Variants in PSTPIP1 observed in about 807,000 individuals in gnomAD.
PSTPIP1 encodes the protein proline-serine-threonine phosphatase-interacting protein 1.
In PSTPIP1, 66 loss-of-function variants were observed where a neutral mutation model predicts 69.6. That is an observed-to-expected ratio of 0.95 (90% CI 0.78 to 1.16). The LOEUF (loss-of-function observed/expected upper bound fraction) is 1.16, where lower values mean the gene tolerates loss of function less well. Ranked by LOEUF, PSTPIP1 falls within the 50% of genes most tolerant of loss-of-function variation. The pLI, the probability that PSTPIP1 is intolerant of heterozygous loss-of-function variation, is 0.00. For missense variants in PSTPIP1, 603 were observed against 557.4 expected, an observed-to-expected ratio of 1.08 and a Z score of -0.82; for synonymous variants, 266 against 222.7, an observed-to-expected ratio of 1.19 and a Z score of -1.73.
intron 10 of PSTPIP1, 126 bp from the exon 11 acceptor site, chr15:77,032,172 A>G (rs1290732123): frequency 1.1e-6 from 1 of 904,526 alleles, no homozygotes; most frequent in East Asian, 2.7e-5. Flanking sequence ...CCTCAGGATC[A>G]AAGACCCCGA....
intron 5 of PSTPIP1, 66 bp downstream of exon 5, chr15:77,025,670 T>C (rs1596105982): frequency 7.2e-7 from 1 of 1,394,232 alleles, no homozygotes; most frequent in Admixed American, 2.0e-5. Context: ...GCTGTGGGGG[T>C]AGGGGGCTGA....
chr15:77,031,148 C>T, intron 9 of PSTPIP1, 32 bp from the exon 10 acceptor site: 1 of 1,600,306 alleles, frequency 6.2e-7, no homozygotes, highest in Non-Finnish European at 8.5e-7. Flanking sequence ...CAGCCGCCTC[C>T]TCACTGCTCA....
At chr15:76,999,157 G>A (rs1020548716) in intron 1 of PSTPIP1, among the ~76,000 whole-genome samples, 4 of 152,300 alleles carry the variant, frequency 2.6e-5, no homozygotes, top group Non-Finnish European at 5.9e-5. Context: ...ATGTCTGTCT[G>A]TATCCTCTGC....
chr15:77,032,204 G>C, intron 10 of PSTPIP1, 94 bp from the exon 11 acceptor site: 4 of 1,281,166 alleles, frequency 3.1e-6, no homozygotes, highest in Non-Finnish European at 4.4e-6. Flanking sequence ...TGGCCTGTGA[G>C]GAGGCCGGTG....
chr15:77,028,853 C>G (rs1328797613), intron 7 of PSTPIP1, among the ~76,000 whole-genome samples: 1 of 152,218 alleles, frequency 6.6e-6, no homozygotes, highest in Non-Finnish European at 1.5e-5. Flanking sequence ...CAGCTGGATC[C>G]CCTTTGCCAC....
At chr15:76,997,747 C>T (rs1489796691) in intron 1 of PSTPIP1, among the ~76,000 whole-genome samples, 1 of 152,142 alleles carries the variant, frequency 6.6e-6, no homozygotes, top group Non-Finnish European at 1.5e-5. Context: ...GTAAGAAAAT[C>T]AGACAAGGTG....
chr15:77,026,048 C>A (rs2076273659), intron 5 of PSTPIP1: 2 of 456,840 alleles, frequency 4.4e-6, no homozygotes, highest in African/African-American at 2.0e-5. Context: ...AGGGGTCAGA[C>A]ACAGACTGGG....
intron 5 of PSTPIP1, chr15:77,026,128 C>T (rs1423009786): frequency 2.2e-6 from 1 of 456,100 alleles, no homozygotes; most frequent in Admixed American, 2.3e-5. Flanking sequence ...CATGGCTGTC[C>T]CGAGACAGAG....
Position 77,027,727 on chromosome 15 carries a change from C to A in PSTPIP1, c.355-125C>A. 3.6e-6 allele frequency: 4 copies of A among 1,123,928 alleles called. No homozygotes were observed. Among genetic ancestry groups the A allele is most frequent in the Non-Finnish European group, 5.2e-6 (4 of 764,032 alleles). The allele number at this position is 1,123,928 out of a possible 1,614,324, so 69.6% of individuals were successfully genotyped here. A position where few individuals can be genotyped will look rare whatever the true frequency, so the allele number is the denominator to read the frequency against. Reference sequence around the variant, plus strand: ...GCAGGCTCTGGGGGAGGGAGGGCAGCCTGTCACCCTCTCTCCAGAGCCAGG... The same window carrying A: ...GCAGGCTCTGGGGGAGGGAGGGCAGACTGTCACCCTCTCTCCAGAGCCAGG... On this transcript the variant is annotated intron_variant, in intron 5 of 14. Transcript: ENST00000558012. This position sits in a 1 kb window ranked among gnomAD's most constrained non-coding sequence, Gnocchi z 4.3.
intron 14 of PSTPIP1, among the ~76,000 whole-genome samples, chr15:77,036,382 G>A (rs147120840): frequency 2.6e-5 from 4 of 152,316 alleles, no homozygotes; most frequent in South Asian, 2.1e-4. Flanking sequence ...CCTGTCCTTC[G>A]TGGCCATGGG....
At chr15:76,997,175 C>G (rs1445072361) in intron 1 of PSTPIP1, among the ~76,000 whole-genome samples, 3 of 152,236 alleles carry the variant, frequency 2.0e-5, no homozygotes, top group Non-Finnish European at 4.4e-5. Context: ...TCCTGAGCGG[C>G]ATCCTGCCCA....
Position 77,027,711 on chromosome 15 carries a change from G to C in PSTPIP1, c.355-141G>C. On this transcript the variant is annotated intron_variant, in intron 5 of 14. Transcript: ENST00000558012. This position sits in a 1 kb window ranked among gnomAD's most constrained non-coding sequence, Gnocchi z 4.3. The stretch of plus-strand genomic sequence containing the variant: ...GGGTCACTGTGAAGCAGCAGGCTCT[G>C]GGGGAGGGAGGGCAGCCTGTCACCC... The C allele has an allele frequency of 1.1e-6, 1 of 919,852 alleles. No individual in the cohort carries two copies. Among genetic ancestry groups the C allele is most frequent in the Non-Finnish European group, 1.7e-6 (1 of 578,244 alleles). 57.0% of individuals were successfully genotyped at this position (919,852 alleles called of 1,614,324 possible).
chr15:77,025,153 T>C, intron 3 of PSTPIP1, 131 bp from the exon 4 acceptor site: 8 of 1,033,412 alleles, frequency 7.7e-6, no homozygotes, highest in Middle Eastern at 2.9e-4. Context: ...GGTCCCTTGG[T>C]TCTAGAGTGA....
upstream of PSTPIP1, chr15:76,994,684 T>G: frequency 8.7e-7 from 1 of 1,149,710 alleles, no homozygotes; most frequent in Non-Finnish European, 1.2e-6. Context: ...CTGCTCACCT[T>G]GCCTCTGTGT....
intron 1 of PSTPIP1, chr15:77,015,888 C>CG (rs2076039685): frequency 2.2e-6 from 1 of 454,756 alleles, no homozygotes. Flanking sequence ...AAGCTCTGAG[C>CG]GGGGGACTGG....
intron 10 of PSTPIP1, chr15:77,031,552 C>T: frequency 2.9e-6 from 1 of 339,778 alleles, no homozygotes; most frequent in East Asian, 6.9e-5. Flanking sequence ...AGCACCTGCC[C>T]CCTCTGCCGG....
At chr15:77,025,197 C>T in intron 3 of PSTPIP1, 87 bp from the exon 4 acceptor site, 1 of 1,437,500 alleles carries the variant, frequency 7.0e-7, no homozygotes, top group Non-Finnish European at 9.8e-7. Flanking sequence ...AAAGTCCTCC[C>T]CACTGCCCAC....
intron 1 of PSTPIP1, among the ~76,000 whole-genome samples, chr15:76,996,569 T>C (rs1245280715): frequency 1.3e-5 from 2 of 152,198 alleles, no homozygotes; most frequent in Non-Finnish European, 2.9e-5. Flanking sequence ...GGCCTTTTCC[T>C]GGGGCTGCAG....
At chr15:77,016,849 C>T (rs2076061140) in intron 1 of PSTPIP1, among the ~76,000 whole-genome samples, 1 of 152,202 alleles carries the variant, frequency 6.6e-6, no homozygotes, top group Admixed American at 6.5e-5. Flanking sequence ...TCCCTGTTCC[C>T]CTCACACCCC....
Sources: gnomAD v4.1 joint callset for allele counts (sites outside exome capture counted in the v4.1 genomes callset) on GRCh38, gnomAD v4.1.1 for gene constraint, Gnocchi (gnomAD v3.1) non-coding constraint, MANE v1.5 for transcripts, NCBI Gene and HGNC (gene_info 2026-07-23, HGNC 2026-07-21) for gene names.